Variants in NBEA observed in about 807,000 individuals in gnomAD.
NBEA encodes the protein lysosomal-trafficking regulator 2.
In NBEA, 44 loss-of-function variants were observed where a neutral mutation model predicts 343.4. The observed-to-expected ratio is 0.13, with a 90% CI of 0.10 to 0.16. The LOEUF (loss-of-function observed/expected upper bound fraction) is 0.16, where lower values mean the gene tolerates loss of function less well. Ranked by LOEUF, NBEA falls within the 10% of genes least tolerant of loss-of-function variation. NBEA has a pLI of 1.00. For synonymous variants in NBEA, 1,175 were observed against 1,238.7 expected, an observed-to-expected ratio of 0.95 and a Z score of 1.08; for missense variants, 2,555 against 3,631.3, an observed-to-expected ratio of 0.70 and a Z score of 7.62.
intron 36 of NBEA, among the ~76,000 whole-genome samples, chr13:35,314,682 A>G (rs1357800827): frequency 6.6e-6 from 1 of 152,106 alleles, no homozygotes; most frequent in African/African-American, 2.4e-5. Context: ...TTCCTCTGAC[A>G]TTGTTTCTCA....
At chr13:35,054,789 A>G (rs965269855) in intron 6 of NBEA, among the ~76,000 whole-genome samples, 2 of 151,606 alleles carry the variant, frequency 1.3e-5, no homozygotes, top group African/African-American at 4.8e-5. Context: ...GATTACAGGC[A>G]CATGCCACCA....
At chr13:35,155,969 C>A in intron 19 of NBEA, 114 bp downstream of exon 19, 1 of 1,471,046 alleles carries the variant, frequency 6.8e-7, no homozygotes, top group Non-Finnish European at 9.3e-7. Context: ...TAGTTCATGA[C>A]AGTTTTAACT....
chr13:35,510,385 A>C (rs771236213), intron 41 of NBEA, among the ~76,000 whole-genome samples: 5 of 152,186 alleles, frequency 3.3e-5, no homozygotes, highest in Non-Finnish European at 5.9e-5. Context: ...AAATAATATT[A>C]AATACCTTAG....
At chr13:35,273,015 TACAGAA>T in intron 34 of NBEA, among the ~76,000 whole-genome samples, 1 of 152,270 alleles carries the variant, frequency 6.6e-6, no homozygotes, top group Non-Finnish European at 1.5e-5. Flanking sequence ...AATAGACAGC[TACAGAA>T]CTCTCCACCC....
At chr13:35,657,600 G>T (rs2084875855) in intron 55 of NBEA, among the ~76,000 whole-genome samples, 1 of 152,100 alleles carries the variant, frequency 6.6e-6, no homozygotes. Context: ...CTCAAGAATG[G>T]TACATTATCA....
intron 33 of NBEA, among the ~76,000 whole-genome samples, chr13:35,219,955 G>T (rs960185019): frequency 1.3e-5 from 2 of 152,122 alleles, no homozygotes. Flanking sequence ...CCAGAGTGCT[G>T]TTTAATCAAA....
intron 49 of NBEA, among the ~76,000 whole-genome samples, chr13:35,632,153 T>G (rs1239902827): frequency 6.6e-6 from 1 of 152,196 alleles, no homozygotes; most frequent in Non-Finnish European, 1.5e-5. Flanking sequence ...AAAGAATATT[T>G]TTTCTTATCG....
intron 36 of NBEA, among the ~76,000 whole-genome samples, chr13:35,335,507 CTT>C (rs5802762): frequency 0.16 from 23,567 of 151,880 alleles, 2,390 homozygotes; most frequent in Admixed American, 0.25. Flanking sequence ...TTGATGTTCT[CTT>C]TGATTTGTTT....
intron 31 of NBEA, among the ~76,000 whole-genome samples, chr13:35,208,384 A>C (rs2073539673): frequency 1.3e-5 from 2 of 151,974 alleles, no homozygotes; most frequent in African/African-American, 4.8e-5. Context: ...CAAAGGCAAA[A>C]TCTCCTAACT....
chr13:35,342,010 T>C (rs1253975047), intron 36 of NBEA, among the ~76,000 whole-genome samples: 2 of 152,076 alleles, frequency 1.3e-5, no homozygotes, highest in Non-Finnish European at 2.9e-5. Flanking sequence ...GATATATGCA[T>C]AAAATGGGAT....
intron 38 of NBEA, among the ~76,000 whole-genome samples, chr13:35,423,330 G>A (rs2044423111): frequency 6.6e-6 from 1 of 152,158 alleles, no homozygotes; most frequent in South Asian, 2.1e-4. Context: ...TTTTGTATAA[G>A]GTGTAAGGAA....
chr13:34,955,376 G>A (rs2059459914), intron 1 of NBEA, among the ~76,000 whole-genome samples: 1 of 151,974 alleles, frequency 6.6e-6, no homozygotes, highest in South Asian at 2.1e-4. Flanking sequence ...TCAGAACAGG[G>A]AATGGAAGAA....
At chr13:35,504,331 A>G (rs965397774) in intron 41 of NBEA, among the ~76,000 whole-genome samples, 2 of 152,164 alleles carry the variant, frequency 1.3e-5, no homozygotes, top group South Asian at 2.1e-4. Flanking sequence ...CTTTCTTCCT[A>G]TGTAATATAA....
intron 45 of NBEA, among the ~76,000 whole-genome samples, chr13:35,578,398 G>GT (rs1446594760): frequency 5.9e-5 from 9 of 152,160 alleles, no homozygotes; most frequent in Admixed American, 1.3e-4. Context: ...GCTTATACCT[G>GT]TAATACCAGC....
chr13:35,476,746 G>T, intron 41 of NBEA: 10 of 1,060,538 alleles, frequency 9.4e-6, no homozygotes, highest in Non-Finnish European at 1.2e-5. Flanking sequence ...CAGGCGGGCG[G>T]CCAATCGCCA....
chr13:35,639,455 A>G (rs2083838299), intron 49 of NBEA, among the ~76,000 whole-genome samples: 2 of 152,042 alleles, frequency 1.3e-5, no homozygotes, highest in South Asian at 2.1e-4. Flanking sequence ...TTAAAATTCC[A>G]TTGTTTTTGT....
chr13:35,151,560 A>C (rs1316167905), intron 18 of NBEA, among the ~76,000 whole-genome samples: 1 of 151,786 alleles, frequency 6.6e-6, no homozygotes, highest in Non-Finnish European at 1.5e-5. Context: ...AAAAAAAAAA[A>C]ATTAAGGCAC....
intron 39 of NBEA, among the ~76,000 whole-genome samples, chr13:35,433,984 A>T (rs7334165): frequency 0.036 from 5,535 of 152,170 alleles, 318 homozygotes; most frequent in African/African-American, 0.13. Context: ...AACAGAGTTT[A>T]TACTACAGTG....
chr13:35,203,428 C>A (rs1566452581), intron 31 of NBEA, among the ~76,000 whole-genome samples: 1 of 152,132 alleles, frequency 6.6e-6, no homozygotes, highest in Admixed American at 6.6e-5. Flanking sequence ...GCCGCCCTTT[C>A]AACATTATTC....
Sources: gnomAD v4.1 joint callset for allele counts (sites outside exome capture counted in the v4.1 genomes callset) on GRCh38, gnomAD v4.1.1 for gene constraint, MANE v1.5 for transcripts, NCBI Gene and HGNC (gene_info 2026-07-23, HGNC 2026-07-21) for gene names.